Variants in NOL10 observed in about 807,000 individuals in gnomAD.
NOL10 encodes H_NH0074G24.1.
In NOL10, 58 loss-of-function variants were observed where a neutral mutation model predicts 103.5. That is an observed-to-expected ratio of 0.56 (90% CI 0.45 to 0.70). The LOEUF is 0.70. Among genes scored for constraint, NOL10 ranks in the 30% least tolerant of loss-of-function variants. The pLI is 0.00. For synonymous variants in NOL10, 287 were observed against 282.5 expected (o/e 1.02, Z -0.16); for missense variants, 763 against 807.3 (o/e 0.95, Z 0.67).
At position 10,640,754 on chromosome 2, in the gene NOL10, G is replaced by A. The variant is rs145665425; in HGVS notation, c.1026+3566C>T. ...CCAGAGAATCAGAAGTAAACAATGG[G>A]TCTCTTACAGTTCTAAGATAATAGA... On this transcript the variant is annotated intron_variant, in intron 13 of 20. Coordinates refer to ENST00000381685, the MANE Select transcript of NOL10 (RefSeq NM_024894.4). Among the ~76,000 whole-genome samples, 121 of 152,206 alleles carry A rather than the reference G, an allele frequency of 7.9e-4. No individual in the cohort carries two copies. The East Asian group carries it at 0.02, about 25-fold the overall frequency.
intron 5 of NOL10, among the ~76,000 whole-genome samples, chr2:10,672,666 G>A (rs1479756025): frequency 3.3e-5 from 5 of 152,204 alleles, no homozygotes; most frequent in Non-Finnish European, 7.3e-5. Flanking sequence ...AGAGTTTACT[G>A]ACAATTTTAT....
intron 13 of NOL10, among the ~76,000 whole-genome samples, chr2:10,635,873 G>A (rs575406556): frequency 4.1e-4 from 62 of 152,212 alleles, no homozygotes; most frequent in Non-Finnish European, 6.8e-4. Context: ...CAAAACACTC[G>A]TCCATCTAGG....
intron 3 of NOL10, among the ~76,000 whole-genome samples, chr2:10,677,741 G>A (rs569787143): frequency 6.6e-6 from 1 of 151,998 alleles, no homozygotes; most frequent in Non-Finnish European, 1.5e-5. Flanking sequence ...CCAAAGTGCT[G>A]GAATTACAGG....
chr2:10,671,793 C>G (rs3821195), intron 5 of NOL10, 103 bp from the exon 6 acceptor site: 52,907 of 774,330 alleles, frequency 0.068, 3,811 homozygotes, highest in East Asian at 0.34. Flanking sequence ...TTACCTCTCT[C>G]TCACTTTCTG....
chr2:10,642,873 C>T (rs896618299), intron 13 of NOL10, among the ~76,000 whole-genome samples: 8 of 152,146 alleles, frequency 5.3e-5, no homozygotes, highest in Non-Finnish European at 8.8e-5. Context: ...CCACAGTACC[C>T]TGGTAGCACT....
At chr2:10,578,620 T>C (rs10190774) in intron 19 of NOL10, among the ~76,000 whole-genome samples, 11 of 151,896 alleles carry the variant, frequency 7.2e-5, no homozygotes, top group African/African-American at 2.4e-4. Context: ...GAGGTTAAGT[T>C]TGAATTTTGT....
At position 10,629,576 on chromosome 2, in the gene NOL10, C is replaced by T. The variant is rs928304950; in HGVS notation, c.1026+14744G>A. ...TTTGCCATATTTTGTACAAAGAGTG[C>T]GCCTTGATGATATAATTGGGGAAAA... On this transcript the variant is annotated intron_variant, in intron 13 of 20. Coordinates refer to ENST00000381685, the MANE Select transcript of NOL10 (RefSeq NM_024894.4). 3.3e-5 allele frequency among the ~76,000 whole-genome samples: 5 copies of T among 152,072 alleles called. No individual in the cohort carries two copies. In the South Asian group the frequency reaches 8.3e-4, roughly 25 times the overall value.
At chr2:10,583,331 T>A (rs1674857843) in intron 19 of NOL10, among the ~76,000 whole-genome samples, 1 of 152,222 alleles carries the variant, frequency 6.6e-6, no homozygotes, top group South Asian at 2.1e-4. Flanking sequence ...AATATTTGTT[T>A]TTCCCCAAGC....
At chr2:10,664,552 G>C (rs779956923) in intron 8 of NOL10, among the ~76,000 whole-genome samples, 16 of 152,346 alleles carry the variant, frequency 1.1e-4, no homozygotes, top group Non-Finnish European at 2.2e-4. Flanking sequence ...GTCGTTGTTT[G>C]TGTGTTTGAG....
At chr2:10,598,695 G>A (rs1339923824) in intron 17 of NOL10, among the ~76,000 whole-genome samples, 1 of 152,194 alleles carries the variant, frequency 6.6e-6, no homozygotes, top group Non-Finnish European at 1.5e-5. Flanking sequence ...AACTTAGAAA[G>A]TGAGTATGAC....
At chr2:10,660,315 T>C (rs1680114236) in intron 9 of NOL10, among the ~76,000 whole-genome samples, 1 of 152,204 alleles carries the variant, frequency 6.6e-6, no homozygotes, top group Admixed American at 6.5e-5. Flanking sequence ...CTTTGTCATT[T>C]TCTTCACATA....
At chr2:10,668,586 T>C in intron 7 of NOL10, 72 bp downstream of exon 7, 1 of 725,978 alleles carries the variant, frequency 1.4e-6, no homozygotes, top group Non-Finnish European at 2.3e-6. Context: ...TTATGTTACT[T>C]GTTAACAAAC....
chr2:10,624,205 T>C (rs1319839204), intron 13 of NOL10, among the ~76,000 whole-genome samples: 1 of 151,844 alleles, frequency 6.6e-6, no homozygotes. Context: ...TTGATCATTC[T>C]TGGGTGTTTC....
chr2:10,662,950 T>C lies in NOL10; in HGVS notation c.677+9A>G, dbSNP rs1680300088. On this transcript the variant is annotated intron_variant, in intron 9 of 20. Transcript: ENST00000381685. ...TGAACATTTACATTGCAAATTAATTTCTACTTACTCTGAATCTGCTGTGAC... is the reference window on the plus strand; with the variant it reads ...TGAACATTTACATTGCAAATTAATTCCTACTTACTCTGAATCTGCTGTGAC... The C allele has an allele frequency of 2.5e-6, 4 of 1,605,358 alleles. No homozygotes were observed. Among genetic ancestry groups the C allele is most frequent in the East Asian group, 2.2e-5 (1 of 44,846 alleles).
At chr2:10,612,116 C>G (rs1676607488) in intron 13 of NOL10, among the ~76,000 whole-genome samples, 1 of 152,030 alleles carries the variant, frequency 6.6e-6, no homozygotes, top group African/African-American at 2.4e-5. Flanking sequence ...GAGTGAGACC[C>G]TGTCTCTAAG....
Position 10,654,502 on chromosome 2 carries a change from C to G in NOL10, c.952G>C (p.Val318Leu). The G allele has an allele frequency of 1.9e-6, 3 of 1,601,348 alleles. No homozygotes were observed. Among genetic ancestry groups the G allele is most frequent in the Non-Finnish European group, 2.5e-6 (3 of 1,176,802 alleles). Residue 318 changes from valine to leucine, a missense_variant, in exon 12 of 21, where the codon GTT (valine) becomes CTT (leucine). Coordinates refer to ENST00000381685, the MANE Select transcript of NOL10 (RefSeq NM_024894.4). The stretch of plus-strand genomic sequence containing the variant: ...ATACCTGAGTTGGGGTAGAGACAAA[C>G]ATCATTAAGGTCATGCTCTGGCTCC... ...SLEPEHDLND[V>L]CLYPNSGMLL...
At chr2:10,667,401 C>T in intron 7 of NOL10, 123 bp from the exon 8 acceptor site, 1 of 722,744 alleles carries the variant, frequency 1.4e-6, no homozygotes, top group East Asian at 2.7e-5. Flanking sequence ...CAGATTCTCT[C>T]TTACTAATCT....
intron 2 of NOL10, among the ~76,000 whole-genome samples, chr2:10,683,534 C>T (rs1330503133): frequency 6.6e-6 from 1 of 152,166 alleles, no homozygotes; most frequent in African/African-American, 2.4e-5. Flanking sequence ...CTCCTTGGAC[C>T]TGCATGCTTA....
chr2:10,671,222 C>T lies in NOL10; in HGVS notation c.464+332G>A, dbSNP rs896324835. On this transcript the variant is annotated intron_variant, in intron 6 of 20. Transcript: ENST00000381685. Reference sequence around the variant, plus strand: ...TGTCTCATAAATTGTGGCAACCGGGCTAAACTGAAAAGGCTCACACACTTC... The same window carrying T: ...TGTCTCATAAATTGTGGCAACCGGGTTAAACTGAAAAGGCTCACACACTTC... Among the ~76,000 whole-genome samples the T allele has an allele frequency of 1.5e-4, 23 of 152,184 alleles. No homozygotes were observed. The East Asian group carries it at 4.4e-3, about 29-fold the overall frequency.
Sources: allele counts gnomAD v4.1 joint callset (sites outside exome capture counted in the v4.1 genomes callset), GRCh38; gene constraint gnomAD v4.1.1; transcripts MANE v1.5; gene names NCBI Gene and HGNC (gene_info 2026-07-23, HGNC 2026-07-21).